The following C2 variants were observed in gnomAD, a reference collection of about 807,000 sequenced individuals.
C2 encodes C3/C5 convertase.
A neutral mutation model predicts 85.2 loss-of-function variants in C2; 64 were observed. The ratio of observed to expected loss-of-function variants is 0.75; its 90% CI spans 0.61 to 0.92. C2 has a LOEUF of 0.92. Ranked by LOEUF, C2 falls within the 40% of genes least tolerant of loss-of-function variation. The pLI, the probability that C2 is intolerant of heterozygous loss-of-function variation, is 0.00. For missense variants in C2, 820 were observed against 971.6 expected (o/e 0.84, Z 2.07); for synonymous variants, 311 against 370.8 (o/e 0.84, Z 1.85).
Position 31,934,153 on chromosome 6 carries a change from C to T in C2, c.716-13C>T. 6.2e-7 allele frequency: 1 copy of T among 1,614,148 alleles called. No homozygotes were observed. Among genetic ancestry groups the T allele is most frequent in the Non-Finnish European group, 8.5e-7 (1 of 1,179,988 alleles). On this transcript the variant is annotated splice_polypyrimidine_tract_variant and intron_variant, in intron 5 of 17. Transcript: ENST00000299367. ...GGTGGGGATCTGAATCCTCCCCTTC[C>T]ACATTTCTCCAGAAAGCCTGGGCCG... is the stretch of plus-strand genomic sequence containing the variant.
upstream of C2, among the ~76,000 whole-genome samples, chr6:31,923,885 T>C (rs1265908): frequency 0.074 from 11,014 of 148,546 alleles, 432 homozygotes; most frequent in African/African-American, 0.11. Context: ...CTGCAAACTC[T>C]GCCTCCCGGG....
chr6:31,944,796 G>T lies in C2; in HGVS notation c.1972G>T (p.Val658Leu). ...CCCCAACTTGACAGATGTCAGGGAG[G>T]TGGTGACAGACCAGTTCCTATGCAG... The part of the protein sequence containing the change: ...MFPNLTDVRE[V>L]VTDQFLCSGT... The change falls in exon 16 of 18, where the codon GTG (valine) becomes TTG (leucine). Residue 658 changes from valine (V) to leucine (L), a missense_variant. Val to Leu is a conservative substitution (Grantham distance 32, BLOSUM62 1). Transcript: ENST00000299367. This position sits in a 1 kb window ranked among gnomAD's most constrained non-coding sequence, Gnocchi z 5.1. 1 of 1,613,056 alleles carries T rather than the reference G, an allele frequency of 6.2e-7. No individual in the cohort carries two copies.
chr6:31,906,016 A>G (rs965733208), intron 1 of C2, among the ~76,000 whole-genome samples: 1 of 152,044 alleles, frequency 6.6e-6, no homozygotes, highest in African/African-American at 2.4e-5. Flanking sequence ...ACGTACTAGA[A>G]TAACCATATT....
Position 31,945,427 on chromosome 6 carries a change from C to A in C2, c.*70C>A. ...CCTCCATCTTCTACCTCTGAATGGC[C>A]ACCCTTAGACCCTGTGATCCATCCT... On this transcript the variant is annotated 3_prime_UTR_variant, in exon 18 of 18. Transcript: ENST00000299367. The surrounding 1 kb of genome is among the most constrained non-coding windows in gnomAD (Gnocchi z 5.3). 1 of 1,387,836 alleles carries A rather than the reference C, an allele frequency of 7.2e-7. No individual in the cohort carries two copies. Among genetic ancestry groups the A allele is most frequent in the Non-Finnish European group, 1.0e-6 (1 of 981,102 alleles). 86.0% of individuals were successfully genotyped at this position (1,387,836 alleles called of 1,614,324 possible).
At chr6:31,911,164 T>G (rs1768069656) in intron 1 of C2, among the ~76,000 whole-genome samples, 1 of 151,392 alleles carries the variant, frequency 6.6e-6, no homozygotes, top group African/African-American at 2.4e-5. Flanking sequence ...CCAGACGTGG[T>G]GGCAGGCACC....
intron 3 of C2, among the ~76,000 whole-genome samples, chr6:31,930,084 CTTT>C (rs527924764): frequency 7.0e-6 from 1 of 143,662 alleles, no homozygotes; most frequent in Non-Finnish European, 1.5e-5. Flanking sequence ...GCCATGTACA[CTTT>C]TTTTTTTTTT....
chr6:31,931,887 G>A (rs1326447165), intron 3 of C2, among the ~76,000 whole-genome samples: 4 of 141,624 alleles, frequency 2.8e-5, no homozygotes, highest in African/African-American at 5.2e-5. Context: ...CTGGCCGGGC[G>A]GGGGGCTGAC....
At chr6:31,934,517 G>T in intron 6 of C2, 1 of 1,304,748 alleles carries the variant, frequency 7.7e-7, no homozygotes, top group Non-Finnish European at 1.1e-6. Flanking sequence ...CTGGGCGACA[G>T]CAAAGATGGA....
At chr6:31,907,991 C>T (rs1039568782) in intron 1 of C2, among the ~76,000 whole-genome samples, 4 of 151,536 alleles carry the variant, frequency 2.6e-5, no homozygotes, top group Non-Finnish European at 5.9e-5. Flanking sequence ...GGATTACGGA[C>T]GTCTGCCACC....
chr6:31,931,493 T>C (rs1039794522), intron 3 of C2, among the ~76,000 whole-genome samples: 5 of 151,590 alleles, frequency 3.3e-5, no homozygotes, highest in Admixed American at 6.6e-5. Flanking sequence ...TTCAAGCATC[T>C]GTTTAACAAA....
upstream of C2, chr6:31,919,896 C>T (rs1255734121): frequency 6.6e-6 from 1 of 152,218 alleles, no homozygotes; most frequent in African/African-American, 2.4e-5. Context: ...AATGCTAAAG[C>T]AAATATCCTG....
intron 1 of C2, chr6:31,901,314 G>A (rs1275788109): frequency 3.7e-6 from 6 of 1,601,452 alleles, no homozygotes; most frequent in East Asian, 2.2e-5. Flanking sequence ...ATTGTGGCGG[G>A]GGTGGGCAAC....
At chr6:31,934,069 G>A (rs1770187581) in intron 5 of C2, 97 bp from the exon 6 acceptor site, 1 of 1,562,200 alleles carries the variant, frequency 6.4e-7, no homozygotes, top group African/African-American at 1.4e-5. Flanking sequence ...GGTGGGCTCA[G>A]CCACTGAAAG....
At chr6:31,934,116 G>A in intron 5 of C2, 50 bp from the exon 6 acceptor site, 1 of 1,605,086 alleles carries the variant, frequency 6.2e-7, no homozygotes, top group Non-Finnish European at 8.5e-7. Context: ...CTTGGCGAGA[G>A]CGCAGGAAGG....
intron 6 of C2, chr6:31,934,690 C>T: frequency 8.1e-7 from 1 of 1,240,510 alleles, no homozygotes; most frequent in Non-Finnish European, 1.0e-6. Context: ...CCTTTTAAAA[C>T]TTCAACATTT....
rs1199991532 is a variant in C2, at chr6:31,937,270, T to C, written c.989-49T>C. 1.4e-5 allele frequency: 21 copies of C among 1,550,042 alleles called. No individual in the cohort carries two copies. In the East Asian group the frequency reaches 4.7e-4, roughly 35 times the overall value. On this transcript the variant is annotated intron_variant, in intron 7 of 17. Transcript: ENST00000299367. ...AATAGAGTGATTCCCTACCCCTAGG[T>C]GGTAGGTGGGAAGTTTCTAAGAGAG...
chr6:31,922,193 T>TG lies in C2; in HGVS notation c.-100+2169dup, dbSNP rs780993864. On this transcript the variant is annotated intron_variant, in intron 1 of 3. Coordinates refer to the C2 transcript ENST00000413154. This position sits in a 1 kb window ranked among gnomAD's most constrained non-coding sequence, Gnocchi z 4.8. ...CCCCAGTGATAAGGCCCAAGGGATA[T>TG]GGTGGGGCAAGGACAGATCCACTAA... 6.6e-6 allele frequency among the ~76,000 whole-genome samples: 1 copy of TG among 151,942 alleles called. No homozygotes were observed. Among genetic ancestry groups the TG allele is most frequent in the African/African-American group, 2.4e-5 (1 of 41,376 alleles).
Position 31,920,198 on chromosome 6 carries a change from G to A in C2, c.-100+172G>A, listed in dbSNP as rs1304350698. 1.3e-5 allele frequency: 2 copies of A among 152,446 alleles called. No individual in the cohort carries two copies. The highest frequency in any genetic ancestry group is 4.8e-5 in the African/African-American group (2 of 41,424). The allele number at this position is 152,446 out of a possible 1,614,324, so 9.4% of individuals were successfully genotyped here. ...TCATTTGTGTTGGGCAGGAAAGCAA[G>A]GCATGAACGTATGTCTTTCTACTGG... On this transcript the variant is annotated intron_variant, in intron 1 of 3. Coordinates refer to the C2 transcript ENST00000413154. This position sits in a 1 kb window ranked among gnomAD's most constrained non-coding sequence, Gnocchi z 5.6.
chr6:31,899,954 A>G, upstream of C2: 1 of 1,592,958 alleles, frequency 6.3e-7, no homozygotes, highest in Non-Finnish European at 8.6e-7. Flanking sequence ...AATCTCGGCC[A>G]CACTGGCCTC....
Sources: gnomAD v4.1 joint callset for allele counts (sites outside exome capture counted in the v4.1 genomes callset) on GRCh38, gnomAD v4.1.1 for gene constraint, Gnocchi (gnomAD v3.1) non-coding constraint, MANE v1.5 for transcripts, NCBI Gene and HGNC (gene_info 2026-07-23, HGNC 2026-07-21) for gene names.